Variants in EXOC6 observed in about 807,000 individuals in gnomAD.
EXOC6 encodes exocyst complex component 6, also known as SEC15-like 1.
Under a neutral mutation model 112.5 loss-of-function variants are expected in EXOC6, and 60 were observed. The ratio of observed to expected loss-of-function variants is 0.53; its 90% CI spans 0.43 to 0.66. EXOC6 has a LOEUF of 0.66. Among genes scored for constraint, EXOC6 ranks in the 30% least tolerant of loss-of-function variants. The probability of loss-of-function intolerance (pLI) is 0.00; values close to 1 mark genes in which losing one functional copy is unlikely to be tolerated. For missense variants in EXOC6, 855 were observed against 957.1 expected, an observed-to-expected ratio of 0.89 and a Z score of 1.41; for synonymous variants, 295 against 308.0, an observed-to-expected ratio of 0.96 and a Z score of 0.44.
chr10:92,988,688 G>A lies in EXOC6; in HGVS notation c.1954-8786G>A, dbSNP rs533106480. Among the ~76,000 whole-genome samples the A allele has an allele frequency of 9.9e-5, 15 of 152,134 alleles. 1 individual carries two copies. The East Asian group carries it at 2.5e-3, about 25-fold the overall frequency. On this transcript the variant is annotated intron_variant, in intron 18 of 21. Coordinates refer to ENST00000260762, the MANE Select transcript of EXOC6 (RefSeq NM_019053.6). ...CACATATATTTCTGAGGCCGGACAC[G>A]GTGGCTCATGCCTGTAATCCCAACA...
Position 92,939,155 on chromosome 10 carries a change from T to C in EXOC6, c.1213-1572T>C, listed in dbSNP as rs931013402. 3.3e-5 allele frequency among the ~76,000 whole-genome samples: 5 copies of C among 152,100 alleles called. No individual in the cohort carries two copies. The South Asian group carries it at 8.3e-4, about 25-fold the overall frequency. On this transcript the variant is annotated intron_variant, in intron 12 of 21. Coordinates refer to ENST00000260762, the MANE Select transcript of EXOC6 (RefSeq NM_019053.6). ...TTGTGGGACTTCAGTAAGCATTTTG[T>C]AGTTTTTAGGCAGGGGAATGGCACA...
chr10:92,976,678 T>TAA (rs59201153), intron 18 of EXOC6, among the ~76,000 whole-genome samples: 4,183 of 141,044 alleles, frequency 0.03, 159 homozygotes, highest in East Asian at 0.15. Flanking sequence ...AATAATAAAT[T>TAA]AAAAAAAAAA....
chr10:92,981,202 A>G (rs529430890), intron 18 of EXOC6, among the ~76,000 whole-genome samples: 11 of 152,224 alleles, frequency 7.2e-5, no homozygotes, highest in Non-Finnish European at 1.6e-4. Flanking sequence ...AAAAACATTA[A>G]ACATTCATTC....
intron 5 of EXOC6, among the ~76,000 whole-genome samples, chr10:92,905,430 T>C (rs1372465709): frequency 2.6e-5 from 4 of 152,068 alleles, no homozygotes; most frequent in Admixed American, 1.3e-4. Flanking sequence ...TATCTTTCCA[T>C]TTATATAGAT....
intron 9 of EXOC6, among the ~76,000 whole-genome samples, chr10:92,929,537 A>T (rs1327019265): frequency 1.3e-5 from 2 of 152,170 alleles, no homozygotes; most frequent in Non-Finnish European, 2.9e-5. Context: ...ATTCTAAAAG[A>T]CTCGATATTT....
At chr10:92,843,184 A>G (rs1589679674) in intron 1 of EXOC6, among the ~76,000 whole-genome samples, 1 of 152,226 alleles carries the variant, frequency 6.6e-6, no homozygotes, top group East Asian at 1.9e-4. Context: ...TCTTTATGGA[A>G]CAGCCGATTC....
At chr10:92,907,160 G>A (rs1399453940) in intron 5 of EXOC6, among the ~76,000 whole-genome samples, 2 of 152,114 alleles carry the variant, frequency 1.3e-5, no homozygotes, top group African/African-American at 2.4e-5. Flanking sequence ...TATAATCCTA[G>A]GGAAGTTCTC....
At chr10:92,881,120 C>T (rs1456339101) in intron 1 of EXOC6, among the ~76,000 whole-genome samples, 3 of 152,156 alleles carry the variant, frequency 2.0e-5, no homozygotes, top group Non-Finnish European at 4.4e-5. Flanking sequence ...ATGGCTCGCC[C>T]ACATTGCTGG....
intron 1 of EXOC6, among the ~76,000 whole-genome samples, chr10:92,887,330 A>G (rs1316222462): frequency 6.6e-6 from 1 of 151,800 alleles, no homozygotes; most frequent in African/African-American, 2.4e-5. Context: ...GTTATTTTTA[A>G]TATTACTTTT....
intron 1 of EXOC6, among the ~76,000 whole-genome samples, chr10:92,871,129 T>C (rs993892175): frequency 1.3e-5 from 2 of 152,226 alleles, no homozygotes; most frequent in Admixed American, 1.3e-4. Context: ...TTGGTCTGTT[T>C]TAGACTTTCT....
In EXOC6 at chr10:92,978,152, A is replaced by G. The variant is rs1842701795; in HGVS notation, c.1953+3920A>G. On this transcript the variant is annotated intron_variant, in intron 18 of 21. Transcript: ENST00000260762. Reference sequence around the variant, plus strand: ...GGGCTGGGTACGTTGGCTCACACCTATAATCCCAGCACTTTGGGAGGCCAA... The same window carrying G: ...GGGCTGGGTACGTTGGCTCACACCTGTAATCCCAGCACTTTGGGAGGCCAA... 2.0e-5 allele frequency among the ~76,000 whole-genome samples: 3 copies of G among 152,174 alleles called. 1 individual carries two copies. The South Asian group carries it at 6.2e-4, about 32-fold the overall frequency.
At chr10:92,980,733 C>A (rs1842796836) in intron 18 of EXOC6, among the ~76,000 whole-genome samples, 1 of 152,090 alleles carries the variant, frequency 6.6e-6, no homozygotes, top group South Asian at 2.1e-4. Flanking sequence ...AAATTAGTAC[C>A]CTTGGAAATC....
At chr10:92,842,426 A>C (rs1386839120) in intron 1 of EXOC6, among the ~76,000 whole-genome samples, 1 of 146,772 alleles carries the variant, frequency 6.8e-6, no homozygotes, top group Non-Finnish European at 1.5e-5. Flanking sequence ...CTAGCCAGGG[A>C]GTAAATGTCA....
intron 20 of EXOC6, among the ~76,000 whole-genome samples, chr10:93,024,045 AT>A (rs1233013301): frequency 6.6e-6 from 1 of 152,212 alleles, no homozygotes; most frequent in Non-Finnish European, 1.5e-5. Flanking sequence ...ACGGCATATA[AT>A]TTCCACAGTA....
intron 1 of EXOC6, among the ~76,000 whole-genome samples, chr10:92,871,952 T>G (rs1451715762): frequency 6.6e-6 from 1 of 152,212 alleles, no homozygotes; most frequent in East Asian, 1.9e-4. Flanking sequence ...CCCTTTTGTT[T>G]GGTTAACTAG....
At chr10:92,912,216 C>T (rs1437297436) in intron 6 of EXOC6, among the ~76,000 whole-genome samples, 2 of 151,876 alleles carry the variant, frequency 1.3e-5, no homozygotes, top group Non-Finnish European at 2.9e-5. Context: ...CCAAACCCAG[C>T]ATTTCTAAAA....
chr10:92,936,463 C>T (rs1324023305), intron 12 of EXOC6, among the ~76,000 whole-genome samples: 1 of 152,228 alleles, frequency 6.6e-6, no homozygotes, highest in Non-Finnish European at 1.5e-5. Context: ...GAGCAAATCA[C>T]TTTACTTTTT....
chr10:92,837,415 A>C (rs1213467917), intron 1 of EXOC6, among the ~76,000 whole-genome samples: 1 of 152,212 alleles, frequency 6.6e-6, no homozygotes, highest in Non-Finnish European at 1.5e-5. Flanking sequence ...TCATGCCTGT[A>C]ATCCTAGCAC....
At chr10:92,966,586 C>CT (rs1842073208) in intron 17 of EXOC6, among the ~76,000 whole-genome samples, 1 of 151,388 alleles carries the variant, frequency 6.6e-6, no homozygotes, top group Non-Finnish European at 1.5e-5. Context: ...ATGATTTCCA[C>CT]TTTCATCCAT....
Sources: gnomAD v4.1 joint callset for allele counts (sites outside exome capture counted in the v4.1 genomes callset) on GRCh38, gnomAD v4.1.1 for gene constraint, MANE v1.5 for transcripts, NCBI Gene and HGNC (gene_info 2026-07-23, HGNC 2026-07-21) for gene names.